The following GRIA1 variants were observed in gnomAD, a reference collection of about 807,000 sequenced individuals.
GRIA1 encodes glutamate receptor 1.
In GRIA1, 31 loss-of-function variants were observed where a neutral mutation model predicts 99.2. The ratio of observed to expected loss-of-function variants is 0.31; its 90% CI spans 0.23 to 0.42. The LOEUF is 0.42. Among genes scored for constraint, GRIA1 ranks in the 10% least tolerant of loss-of-function variants. The probability of loss-of-function intolerance (pLI) is 1.00; values close to 1 mark genes in which losing one functional copy is unlikely to be tolerated. For missense variants in GRIA1, 782 were observed against 1,157.5 expected, an observed-to-expected ratio of 0.68 and a Z score of 4.71; for synonymous variants, 438 against 432.4, an observed-to-expected ratio of 1.01 and a Z score of -0.16.
At chr5:153,787,912 C>T (rs1189967536) in intron 13 of GRIA1, among the ~76,000 whole-genome samples, 2 of 152,106 alleles carry the variant, frequency 1.3e-5, no homozygotes, top group Admixed American at 6.6e-5. Context: ...AACCCCGTCT[C>T]TACTAAAAAT....
intron 2 of GRIA1, among the ~76,000 whole-genome samples, chr5:153,518,379 A>G (rs1485201152): frequency 6.6e-6 from 1 of 152,218 alleles, no homozygotes; most frequent in African/African-American, 2.4e-5. Context: ...GTCTGGGGTT[A>G]GCACAGACTA....
At chr5:153,767,112 C>T (rs1763569083) in intron 12 of GRIA1, among the ~76,000 whole-genome samples, 1 of 152,102 alleles carries the variant, frequency 6.6e-6, no homozygotes, top group African/African-American at 2.4e-5. Context: ...ACCAAGAAAG[C>T]CAGGTATGAG....
chr5:153,809,667 T>C (rs1766678268), intron 15 of GRIA1, among the ~76,000 whole-genome samples: 1 of 152,212 alleles, frequency 6.6e-6, no homozygotes, highest in African/African-American at 2.4e-5. Context: ...TCATTATGCA[T>C]CTAATTTCTT....
chr5:153,753,516 C>G (rs1414861867), intron 11 of GRIA1, among the ~76,000 whole-genome samples: 1 of 152,074 alleles, frequency 6.6e-6, no homozygotes. Context: ...GTTTCTAGTC[C>G]CAGCTCTGTC....
chr5:153,568,444 C>A (rs879428297), intron 2 of GRIA1, among the ~76,000 whole-genome samples: 1 of 152,066 alleles, frequency 6.6e-6, no homozygotes, highest in Non-Finnish European at 1.5e-5. Context: ...GCTTGAGAAG[C>A]ACTGATCTAG....
At chr5:153,701,167 G>T (rs1259992294) in intron 10 of GRIA1, among the ~76,000 whole-genome samples, 1 of 152,158 alleles carries the variant, frequency 6.6e-6, no homozygotes, top group Non-Finnish European at 1.5e-5. Context: ...AGTGTGGGCA[G>T]AACAATGCCA....
chr5:153,569,947 G>A (rs1196257018), intron 2 of GRIA1, among the ~76,000 whole-genome samples: 1 of 152,184 alleles, frequency 6.6e-6, no homozygotes, highest in Non-Finnish European at 1.5e-5. Context: ...AGCTAAGGTT[G>A]AGGCTTTATG....
chr5:153,513,822 A>G (rs1756343500), intron 2 of GRIA1, among the ~76,000 whole-genome samples: 1 of 139,826 alleles, frequency 7.2e-6, no homozygotes, highest in South Asian at 2.4e-4. Flanking sequence ...AAATTTTGTA[A>G]TATCTCTATG....
chr5:153,747,041 C>G (rs1375999101), intron 11 of GRIA1, among the ~76,000 whole-genome samples: 2 of 152,168 alleles, frequency 1.3e-5, no homozygotes, highest in African/African-American at 4.8e-5. Flanking sequence ...AATCTGTTTC[C>G]TCTTTTAACA....
At chr5:153,700,475 G>A (rs1758436734) in intron 10 of GRIA1, among the ~76,000 whole-genome samples, 1 of 152,222 alleles carries the variant, frequency 6.6e-6, no homozygotes, top group South Asian at 2.1e-4. Context: ...TAAGTAAGGT[G>A]TGAGAGGAGA....
At chr5:153,731,414 A>C (rs1487206544) in intron 11 of GRIA1, among the ~76,000 whole-genome samples, 2 of 151,982 alleles carry the variant, frequency 1.3e-5, no homozygotes, top group South Asian at 2.1e-4. Flanking sequence ...TCACTTTCTC[A>C]GGGGACCCTT....
chr5:153,495,107 C>T (rs944945475), intron 2 of GRIA1, among the ~76,000 whole-genome samples: 13 of 152,174 alleles, frequency 8.5e-5, no homozygotes, highest in African/African-American at 2.9e-4. Flanking sequence ...TCTTTCTATC[C>T]CAAAGACCAC....
chr5:153,506,874 G>A (rs921774143), intron 2 of GRIA1, among the ~76,000 whole-genome samples: 14 of 152,280 alleles, frequency 9.2e-5, no homozygotes, highest in African/African-American at 2.9e-4. Context: ...TGTAATCCCA[G>A]CACTTTGGGA....
chr5:153,643,871 C>T (rs1268915621), intron 2 of GRIA1, among the ~76,000 whole-genome samples: 1 of 152,184 alleles, frequency 6.6e-6, no homozygotes, highest in African/African-American at 2.4e-5. Flanking sequence ...TCTGCCTGCT[C>T]CCATTTCGTC....
intron 11 of GRIA1, among the ~76,000 whole-genome samples, chr5:153,739,622 A>G (rs566278837): frequency 1.9e-4 from 29 of 152,328 alleles, no homozygotes; most frequent in African/African-American, 7.0e-4. Context: ...GGTCAAGAGC[A>G]TACTCACAGT....
chr5:153,783,390 T>C (rs1187574322), intron 13 of GRIA1, among the ~76,000 whole-genome samples: 3 of 152,262 alleles, frequency 2.0e-5, no homozygotes, highest in Non-Finnish European at 4.4e-5. Context: ...TGACAAATGC[T>C]TCTGCATTAC....
chr5:153,774,955 C>G (rs1482752289), intron 13 of GRIA1, among the ~76,000 whole-genome samples: 1 of 152,130 alleles, frequency 6.6e-6, no homozygotes, highest in East Asian at 1.9e-4. Flanking sequence ...GGTGGTGTTT[C>G]TTTGAAACAG....
chr5:153,516,081 G>A (rs571103582), intron 2 of GRIA1, among the ~76,000 whole-genome samples: 189 of 152,130 alleles, frequency 1.2e-3, no homozygotes, highest in Non-Finnish European at 2.0e-3. Context: ...TCAGCCTGAC[G>A]TGGTGGCGGG....
chr5:153,715,054 G>A (rs1241060482), intron 11 of GRIA1, among the ~76,000 whole-genome samples: 1 of 152,094 alleles, frequency 6.6e-6, no homozygotes, highest in Non-Finnish European at 1.5e-5. Context: ...TGGAGGAGGT[G>A]GTAAAGGAAT....
Sources: allele counts gnomAD v4.1 joint callset (sites outside exome capture counted in the v4.1 genomes callset), GRCh38; gene constraint gnomAD v4.1.1; transcripts MANE v1.5; gene names NCBI Gene and HGNC (gene_info 2026-07-23, HGNC 2026-07-21).